Variants in MAPK10 observed in about 807,000 individuals in gnomAD.
The protein encoded by MAPK10 is mitogen-activated protein kinase 10.
In MAPK10, 25 loss-of-function variants were observed where a neutral mutation model predicts 59.3. The observed-to-expected ratio is 0.42, with a 90% CI of 0.31 to 0.59. The LOEUF is 0.59. MAPK10 is among the 20% of genes least tolerant of loss of function. The probability of loss-of-function intolerance (pLI) is 0.15; values close to 1 mark genes in which losing one functional copy is unlikely to be tolerated. For missense variants in MAPK10, 351 were observed against 568.9 expected (o/e 0.62, Z 3.90); for synonymous variants, 190 against 200.5 (o/e 0.95, Z 0.44).
At chr4:86,342,713 G>A (rs1280730789) in intron 2 of MAPK10, among the ~76,000 whole-genome samples, 1 of 152,180 alleles carries the variant, frequency 6.6e-6, no homozygotes, top group Non-Finnish European at 1.5e-5. Flanking sequence ...CTGCCCTTGA[G>A]TGAAACTCTC....
intron 3 of MAPK10, among the ~76,000 whole-genome samples, chr4:86,166,682 A>G (rs2071840540): frequency 6.6e-6 from 1 of 152,196 alleles, no homozygotes; most frequent in Admixed American, 6.5e-5. Context: ...ACAGTGCTCC[A>G]TGAATATCCA....
chr4:86,090,635 TC>T (rs1221952038), intron 9 of MAPK10: 1 of 152,172 alleles, frequency 6.6e-6, no homozygotes, highest in East Asian at 1.9e-4. Flanking sequence ...TATTGAGAAA[TC>T]TTTGATTAAA....
chr4:86,322,595 C>T (rs570376424), intron 2 of MAPK10, among the ~76,000 whole-genome samples: 7 of 152,268 alleles, frequency 4.6e-5, no homozygotes, highest in African/African-American at 1.7e-4. Flanking sequence ...TTCAATTCCA[C>T]GTTTGTTTGT....
chr4:86,426,596 G>T (rs1349200048), intron 1 of MAPK10, among the ~76,000 whole-genome samples: 1 of 152,190 alleles, frequency 6.6e-6, no homozygotes, highest in Non-Finnish European at 1.5e-5. Flanking sequence ...ACATACTGCA[G>T]CACCCTTTTA....
At chr4:86,054,245 A>C (rs1385363571) in intron 11 of MAPK10, among the ~76,000 whole-genome samples, 3 of 152,178 alleles carry the variant, frequency 2.0e-5, no homozygotes, top group African/African-American at 7.2e-5. Context: ...AATGAGTTAC[A>C]TATTTTCAGT....
At chr4:86,261,944 G>C (rs2094000092) in intron 2 of MAPK10, among the ~76,000 whole-genome samples, 1 of 152,232 alleles carries the variant, frequency 6.6e-6, no homozygotes, top group Admixed American at 6.5e-5. Context: ...TGCCCTGCTG[G>C]GCAACTAAGG....
chr4:86,198,022 T>C (rs2081771784), intron 2 of MAPK10, among the ~76,000 whole-genome samples: 1 of 152,160 alleles, frequency 6.6e-6, no homozygotes, highest in Non-Finnish European at 1.5e-5. Context: ...CATTAAATCA[T>C]GCTGATCCAC....
At chr4:86,560,863 A>G (rs1297452339) in intron 1 of MAPK10, among the ~76,000 whole-genome samples, 1 of 152,250 alleles carries the variant, frequency 6.6e-6, no homozygotes, top group Non-Finnish European at 1.5e-5. Context: ...AAATATATTT[A>G]ATGAGCTGTG....
rs1309702255 is a variant in MAPK10, at chr4:86,354,639, A to T, written c.-116T>A. 39 of 1,208,270 alleles carry T rather than the reference A, an allele frequency of 3.2e-5. No homozygotes were observed. The highest frequency in any genetic ancestry group is 4.0e-5 in the Non-Finnish European group (39 of 966,350). The allele number at this position is 1,208,270 out of a possible 1,614,324, so 74.8% of individuals were successfully genotyped here. On this transcript the variant is annotated 5_prime_UTR_variant, in exon 2 of 14. Transcript: ENST00000641462. ...TGGGCCTGCTGTTGGTGTTTCTCAC[A>T]CTAGCCTGAAAGCAAAGCCAAAAAA...
intron 1 of MAPK10, among the ~76,000 whole-genome samples, chr4:86,503,386 T>C (rs1755472981): frequency 6.6e-6 from 1 of 152,110 alleles, no homozygotes; most frequent in Non-Finnish European, 1.5e-5. Context: ...TATCTCTCTA[T>C]CCTCAGACTT....
intron 6 of MAPK10, among the ~76,000 whole-genome samples, chr4:86,102,710 G>A (rs2055713364): frequency 1.3e-5 from 2 of 152,020 alleles, no homozygotes; most frequent in South Asian, 4.2e-4. Context: ...TAGTAGAGGT[G>A]GGGTTTCACC....
chr4:86,516,441 C>T (rs574266065), intron 1 of MAPK10, among the ~76,000 whole-genome samples: 20 of 152,106 alleles, frequency 1.3e-4, no homozygotes, highest in African/African-American at 4.8e-4. Flanking sequence ...TATTTGATGG[C>T]AATTGCATTG....
intron 5 of MAPK10, among the ~76,000 whole-genome samples, chr4:86,104,480 A>G (rs916028174): frequency 3.9e-5 from 6 of 152,140 alleles, no homozygotes; most frequent in African/African-American, 1.4e-4. Context: ...ATGACTATGA[A>G]GTACACCTTT....
intron 1 of MAPK10, among the ~76,000 whole-genome samples, chr4:86,544,682 AT>A (rs34428922): frequency 2.0e-5 from 3 of 152,212 alleles, no homozygotes; most frequent in Admixed American, 6.5e-5. Flanking sequence ...TATCATTTAT[AT>A]TTTGTTGCCA....
At position 86,559,937 on chromosome 4, in the gene MAPK10, C is replaced by CAAA. The variant is rs368858392; in HGVS notation, c.-263+33970_-263+33972dup. ...CTGGCAACAGAGCAAGACTTTGTCTCAAAAAAAAAAAAAAGAAAAGAAAAT... is the reference window on the plus strand; with the variant it reads ...CTGGCAACAGAGCAAGACTTTGTCTCAAAAAAAAAAAAAAAAAGAAAAGAAAAT... On this transcript the variant is annotated intron_variant, in intron 1 of 4. Transcript: ENST00000502302. Among the ~76,000 whole-genome samples, 377 of 124,394 alleles carry CAAA rather than the reference C, an allele frequency of 3.0e-3. 1 individual carries two copies. The highest frequency in any genetic ancestry group is 7.9e-3 in the African/African-American group (260 of 32,988). The allele number at this position is 124,394 out of a possible 152,430, so 81.6% of individuals were successfully genotyped here.
At chr4:86,370,401 A>T (rs1738576759) in intron 1 of MAPK10, among the ~76,000 whole-genome samples, 1 of 152,190 alleles carries the variant, frequency 6.6e-6, no homozygotes, top group African/African-American at 2.4e-5. Context: ...ATAATTGAGC[A>T]AAAATAGTGT....
At position 86,135,728 on chromosome 4, in the gene MAPK10, C is replaced by G. The variant is rs182596709; in HGVS notation, c.236+23570G>C. 2.7e-5 allele frequency among the ~76,000 whole-genome samples: 4 copies of G among 150,450 alleles called. No homozygotes were observed. In the East Asian group the frequency reaches 5.8e-4, roughly 22 times the overall value. Reference sequence around the variant, plus strand: ...CTGAGAGAAGAAGGCTTCAGACGATCAAATTACTGAGCTATGGGAGGACAT... The same window carrying G: ...CTGAGAGAAGAAGGCTTCAGACGATGAAATTACTGAGCTATGGGAGGACAT... On this transcript the variant is annotated intron_variant, in intron 4 of 13. Transcript: ENST00000641462.
intron 13 of MAPK10, among the ~76,000 whole-genome samples, chr4:86,022,321 G>C (rs1659817865): frequency 6.6e-6 from 1 of 152,176 alleles, no homozygotes. Context: ...ATTGTGGTTT[G>C]ATTTGCATTT....
chr4:86,247,168 G>C (rs565618625), intron 2 of MAPK10, among the ~76,000 whole-genome samples: 1 of 152,124 alleles, frequency 6.6e-6, no homozygotes, highest in Admixed American at 6.6e-5. Context: ...AGAAAGCGAA[G>C]CCTCTATTGT....
Sources: allele counts gnomAD v4.1 joint callset (sites outside exome capture counted in the v4.1 genomes callset), GRCh38; gene constraint gnomAD v4.1.1; transcripts MANE v1.5; gene names NCBI Gene and HGNC (gene_info 2026-07-23, HGNC 2026-07-21).